Variants in LRRC23 observed in about 807,000 individuals in gnomAD.
LRRC23 encodes the protein leucine rich repeat containing 23.
LRRC23 carries 28 observed loss-of-function variants against 37.7 expected under a neutral mutation model. That is an observed-to-expected ratio of 0.74 (90% confidence interval 0.55 to 1.02). The LOEUF (loss-of-function observed/expected upper bound fraction) is 1.02, where lower values mean the gene tolerates loss of function less well. Ranked by LOEUF, LRRC23 falls within the 50% of genes least tolerant of loss-of-function variation. The pLI is 0.00. For missense variants in LRRC23, 377 were observed against 413.2 expected, an observed-to-expected ratio of 0.91 and a Z score of 0.76; for synonymous variants, 161 against 165.4, an observed-to-expected ratio of 0.97 and a Z score of 0.20.
chr12:6,905,475 G>A, intron 1 of LRRC23, 110 bp from the exon 2 acceptor site: 1 of 667,510 alleles, frequency 1.5e-6, no homozygotes, highest in Non-Finnish European at 2.7e-6. Flanking sequence ...GATAAGGAAA[G>A]AAGCCTAGAG....
chr12:6,910,151 G>A, intron 6 of LRRC23, 125 bp downstream of exon 6: 2 of 933,804 alleles, frequency 2.1e-6, no homozygotes, highest in South Asian at 1.8e-5. Context: ...GGAAAGCCCG[G>A]CTTTCCTTCC....
At chr12:6,905,315 G>T in intron 1 of LRRC23, 1 of 253,572 alleles carries the variant, frequency 3.9e-6, no homozygotes, top group Non-Finnish European at 7.9e-6. Context: ...GGGAAGCCCA[G>T]GAAATAGGGA....
At chr12:6,908,338 T>G (rs1944998796) in intron 5 of LRRC23, among the ~76,000 whole-genome samples, 1 of 152,064 alleles carries the variant, frequency 6.6e-6, no homozygotes, top group Non-Finnish European at 1.5e-5. Flanking sequence ...GGCTCATGTC[T>G]GTAATCCCAG....
intron 7 of LRRC23, chr12:6,913,316 G>A (rs995839785): frequency 1.0e-5 from 4 of 392,642 alleles, no homozygotes; most frequent in Admixed American, 8.1e-5. Context: ...GAGTGAAGTC[G>A]GCTAGGAAAG....
intron 7 of LRRC23, 173 bp downstream of exon 7, chr12:6,913,200 C>T: frequency 3.2e-6 from 2 of 617,550 alleles, no homozygotes; most frequent in Non-Finnish European, 5.5e-6. Context: ...ACCCAAGGGG[C>T]CTGGGACCAG....
chr12:6,909,458 A>T (rs1171110902), intron 5 of LRRC23, among the ~76,000 whole-genome samples: 1 of 88,492 alleles, frequency 1.1e-5, no homozygotes, highest in African/African-American at 5.1e-5. Context: ...TATAATATAT[A>T]ATATATAATA....
rs782815538 is a variant in LRRC23 at position 6,912,855 on chromosome 12, A to G, written c.884A>G (p.Gln295Arg). The G allele has an allele frequency of 3.1e-6, 5 of 1,614,194 alleles. No individual in the cohort carries two copies. The highest frequency in any genetic ancestry group is 3.4e-6 in the Non-Finnish European group (4 of 1,180,040). Residue 295 changes from glutamine (Q) to arginine (R), a missense_variant, in exon 7 of 8, where the codon CAG becomes CGG. Coordinates refer to ENST00000443597, the MANE Select transcript of LRRC23 (RefSeq NM_001135217.2). ...ETSYRQEALV[Q>R]MPYLERLDKE... The stretch of plus-strand genomic sequence containing the variant: ...AGCTACCGCCAGGAGGCCCTGGTGC[A>G]GATGCCATACCTTGAACGCCTGGAC...
In LRRC23 at chr12:6,914,215, A is replaced by C. The variant is rs1369311133; in HGVS notation, c.*349A>C. 1 of 666,854 alleles carries C rather than the reference A, an allele frequency of 1.5e-6. No homozygotes were observed. Among genetic ancestry groups the C allele is most frequent in the Non-Finnish European group, 2.4e-6 (1 of 412,776 alleles). The allele number at this position is 666,854 out of a possible 1,614,324, so 41.3% of individuals were successfully genotyped here. A position where few individuals can be genotyped will look rare whatever the true frequency, so the allele number is the denominator to read the frequency against. On this transcript the variant is annotated 3_prime_UTR_variant, in exon 8 of 8. Transcript: ENST00000443597. This position sits in a 1 kb window ranked among gnomAD's most constrained non-coding sequence, Gnocchi z 7.1. ...GCTGGGGTGTTCGGATTTCCAATAA[A>C]GAAACAGAGTGATGCTCCTGTGTCT...
Position 6,906,431 on chromosome 12 carries a change from C to G in LRRC23, c.259C>G (p.Leu87Val). Residue 87 changes from leucine to valine, a missense_variant, in exon 4 of 8, where the codon CTG (leucine) becomes GTG (valine). Coordinates refer to ENST00000443597, the MANE Select transcript of LRRC23 (RefSeq NM_001135217.2). ...KERDLTDIYL[L>V]RSYIHLRYVD... ...TAGGGACCTGACAGACATCTACTTG[C>G]TGCGCTCCTACATCCATCTGCGCTA... 6.2e-7 allele frequency: 1 copy of G among 1,614,066 alleles called. No individual in the cohort carries two copies. The highest frequency in any genetic ancestry group is 8.5e-7 in the Non-Finnish European group (1 of 1,180,008).
chr12:6,907,689 A>G, intron 5 of LRRC23: 1 of 601,942 alleles, frequency 1.7e-6, no homozygotes, highest in Non-Finnish European at 3.0e-6. Flanking sequence ...AAAATGGACC[A>G]TAATTGAGGT....
intron 5 of LRRC23, among the ~76,000 whole-genome samples, chr12:6,907,993 C>G (rs1384556170): frequency 2.2e-4 from 34 of 152,192 alleles, no homozygotes; most frequent in Admixed American, 2.2e-3. Context: ...GAACTTCTGA[C>G]ACACCAGCTT....
intron 3 of LRRC23, 60 bp downstream of exon 3, chr12:6,906,014 C>T (rs1555139523): frequency 1.4e-6 from 2 of 1,386,754 alleles, no homozygotes; most frequent in East Asian, 2.3e-5. Flanking sequence ...TCTCCTTTCC[C>T]ACTGTCATTC....
Position 6,907,866 on chromosome 12 carries a change from T to G in LRRC23, c.621+421T>G, listed in dbSNP as rs1363871851. 3 of 291,644 alleles carry G rather than the reference T, an allele frequency of 1.0e-5. No individual in the cohort carries two copies. The East Asian group carries it at 2.3e-4, about 23-fold the overall frequency. 18.1% of individuals were successfully genotyped at this position (291,644 alleles called of 1,614,324 possible). ...AGTAGTAGACACCAGCTGGGTGATC[T>G]CTAATTCGATTCACTGTCTACCTGG... On this transcript the variant is annotated intron_variant, in intron 5 of 7. Coordinates refer to ENST00000443597, the MANE Select transcript of LRRC23 (RefSeq NM_001135217.2).
Position 6,909,429 on chromosome 12 carries a change from AATATT to A in LRRC23, c.622-456_622-452del, listed in dbSNP as rs1485811454. On this transcript the variant is annotated intron_variant, in intron 5 of 7. Coordinates refer to ENST00000443597, the MANE Select transcript of LRRC23 (RefSeq NM_001135217.2). ...AATAGTATATTATATATAATATATA[AATATT>A]ATATATAATAGTATATAATATATAA... 1.6e-4 allele frequency among the ~76,000 whole-genome samples: 9 copies of A among 55,052 alleles called. 1 individual carries two copies. The highest frequency in any genetic ancestry group is 1.4e-3 in the African/African-American group (9 of 6,432). 36.1% of individuals were successfully genotyped at this position (55,052 alleles called of 152,430 possible).
intron 6 of LRRC23, among the ~76,000 whole-genome samples, chr12:6,910,490 T>C (rs782004242): frequency 2.6e-5 from 4 of 152,078 alleles, no homozygotes; most frequent in East Asian, 1.9e-4. Flanking sequence ...GGGCAGATCG[T>C]TGGAGCCTAG....
At position 6,909,888 on chromosome 12, in the gene LRRC23, A is replaced by G. The variant is rs1945116355; in HGVS notation, c.622-2A>G. 1 of 1,610,404 alleles carries G rather than the reference A, an allele frequency of 6.2e-7. No homozygotes were observed. The highest frequency in any genetic ancestry group is 1.3e-5 in the African/African-American group (1 of 74,858). ...TCAATCCACTGTGCCCTGGGGGTCTAGGCCCAAAACATGCTGAAGAAGGTG... is the reference window on the plus strand; with the variant it reads ...TCAATCCACTGTGCCCTGGGGGTCTGGGCCCAAAACATGCTGAAGAAGGTG... On this transcript the variant is annotated splice_acceptor_variant, in intron 5 of 7. Transcript: ENST00000443597. LOFTEE classifies it high-confidence loss of function.
At chr12:6,910,145 A>G (rs1945124704) in intron 6 of LRRC23, 119 bp downstream of exon 6, 4 of 1,003,874 alleles carry the variant, frequency 4.0e-6, no homozygotes, top group Non-Finnish European at 5.7e-6. Flanking sequence ...TCTCAAGGAA[A>G]GCCCGGCTTT....
chr12:6,909,778 C>A, intron 5 of LRRC23, 112 bp from the exon 6 acceptor site: 1 of 994,824 alleles, frequency 1.0e-6, no homozygotes, highest in Non-Finnish European at 1.5e-6. Flanking sequence ...CTTTCTTCCA[C>A]TCCTCCCTCT....
intron 5 of LRRC23, chr12:6,907,805 G>A (rs1195228396): frequency 1.3e-5 from 6 of 452,416 alleles, no homozygotes; most frequent in East Asian, 4.2e-5. Context: ...TACGACTTCC[G>A]GGACCAAAGG....
Sources: gnomAD v4.1 joint callset for allele counts (sites outside exome capture counted in the v4.1 genomes callset) on GRCh38, gnomAD v4.1.1 for gene constraint, Gnocchi (gnomAD v3.1) non-coding constraint, MANE v1.5 for transcripts, NCBI Gene and HGNC (gene_info 2026-07-23, HGNC 2026-07-21) for gene names.